The following CPLX2 variants were observed in gnomAD, a reference collection of about 807,000 sequenced individuals.
CPLX2 encodes complexin-2.
CPLX2 carries 5 observed loss-of-function variants against 16.3 expected under a neutral mutation model. The observed-to-expected ratio is 0.31, with a 90% CI of 0.16 to 0.64. The LOEUF is 0.64. Ranked by LOEUF, CPLX2 falls within the 30% of genes least tolerant of loss-of-function variation. The pLI, the probability that CPLX2 is intolerant of heterozygous loss-of-function variation, is 0.79. For missense variants in CPLX2, 144 were observed against 181.4 expected, an observed-to-expected ratio of 0.79 and a Z score of 1.18; for synonymous variants, 89 against 73.2, an observed-to-expected ratio of 1.22 and a Z score of -1.10.
chr5:175,853,840 G>A (rs1417383981), intron 2 of CPLX2, among the ~76,000 whole-genome samples: 1 of 152,112 alleles, frequency 6.6e-6, no homozygotes, highest in African/African-American at 2.4e-5. Flanking sequence ...CCCCCTCTGT[G>A]GAGTGCGATT....
At chr5:175,853,533 T>A (rs1479225267) in intron 2 of CPLX2, among the ~76,000 whole-genome samples, 1 of 152,094 alleles carries the variant, frequency 6.6e-6, no homozygotes, top group Non-Finnish European at 1.5e-5. Context: ...CAGCACAGGC[T>A]CCCACAGGCT....
chr5:175,825,640 T>A (rs970458371), intron 2 of CPLX2, among the ~76,000 whole-genome samples: 21 of 151,914 alleles, frequency 1.4e-4, no homozygotes, highest in African/African-American at 4.6e-4. Context: ...AAGACAAGGG[T>A]TGAGAGTGGG....
Position 175,882,515 on chromosome 5 carries a change from TG to T in CPLX2, c.*2473del. On this transcript the variant is annotated 3_prime_UTR_variant, in exon 4 of 4. Transcript: ENST00000393745. ...ACCCAGTCGAACCAGATACCCCAGGTGGGCCGGAGGGACCCCAGACCTTCAG... is the reference window on the plus strand; with the variant it reads ...ACCCAGTCGAACCAGATACCCCAGGTGGCCGGAGGGACCCCAGACCTTCAG... 1 of 152,938 alleles carries T rather than the reference TG, an allele frequency of 6.5e-6. No homozygotes were observed. Among genetic ancestry groups the T allele is most frequent in the East Asian group, 1.9e-4 (1 of 5,172 alleles). 9.5% of individuals were successfully genotyped at this position (152,938 alleles called of 1,614,324 possible).
intron 2 of CPLX2, among the ~76,000 whole-genome samples, chr5:175,820,692 C>T (rs1050365118): frequency 6.6e-6 from 1 of 152,210 alleles, no homozygotes; most frequent in East Asian, 1.9e-4. Flanking sequence ...GACTGTCTCA[C>T]CCGCCCTGTC....
Position 175,880,164 on chromosome 5 carries a change from C to A in CPLX2, c.*119C>A. On this transcript the variant is annotated 3_prime_UTR_variant, in exon 4 of 4. Transcript: ENST00000393745. ...AAAACCTCAGTTGGCCTCTGCCCCT[C>A]TTCCCTGGCCAGGGGCTTCTCCCCC... 1 of 1,094,678 alleles carries A rather than the reference C, an allele frequency of 9.1e-7. No homozygotes were observed. The highest frequency in any genetic ancestry group is 1.4e-6 in the Non-Finnish European group (1 of 730,570). 67.8% of individuals were successfully genotyped at this position (1,094,678 alleles called of 1,614,324 possible).
intron 1 of CPLX2, among the ~76,000 whole-genome samples, chr5:175,796,954 G>A (rs1757989262): frequency 1.3e-5 from 2 of 152,296 alleles, no homozygotes; most frequent in African/African-American, 4.8e-5. Context: ...CTTCCGGGGC[G>A]AGGCAGAGGG....
At chr5:175,846,226 C>A (rs1221540626) in intron 2 of CPLX2, among the ~76,000 whole-genome samples, 2 of 152,180 alleles carry the variant, frequency 1.3e-5, no homozygotes, top group African/African-American at 4.8e-5. Flanking sequence ...TGTGACTCCA[C>A]AGGACAGGCA....
chr5:175,799,073 C>G (rs945749640), intron 1 of CPLX2, among the ~76,000 whole-genome samples: 11 of 152,160 alleles, frequency 7.2e-5, no homozygotes, highest in Non-Finnish European at 1.5e-4. Flanking sequence ...GAAACTGTTT[C>G]AGAAATAAAC....
At chr5:175,803,077 T>C (rs571124352) in intron 1 of CPLX2, among the ~76,000 whole-genome samples, 1 of 152,174 alleles carries the variant, frequency 6.6e-6, no homozygotes, top group South Asian at 2.1e-4. Flanking sequence ...GGTGATCCGT[T>C]TGCTGGGATC....
At chr5:175,878,314 AGGAAAT>A in intron 1 of CPLX2, 1 of 188,390 alleles carries the variant, frequency 5.3e-6, no homozygotes, top group East Asian at 1.5e-4. Context: ...ATGGCAAATA[AGGAAAT>A]GACGGTGGCG....
intron 2 of CPLX2, among the ~76,000 whole-genome samples, chr5:175,848,590 G>C (rs897108823): frequency 6.6e-6 from 1 of 152,220 alleles, no homozygotes; most frequent in Non-Finnish European, 1.5e-5. Context: ...GGAAGGGTGG[G>C]TGAGGGTCCT....
At chr5:175,844,974 G>A (rs1004739260) in intron 2 of CPLX2, among the ~76,000 whole-genome samples, 1 of 152,184 alleles carries the variant, frequency 6.6e-6, no homozygotes, top group African/African-American at 2.4e-5. Context: ...ACAGAACAGA[G>A]GCTCTGTGAG....
chr5:175,815,300 G>A (rs188483347), intron 2 of CPLX2, among the ~76,000 whole-genome samples: 351 of 152,184 alleles, frequency 2.3e-3, no homozygotes, highest in Admixed American at 0.02. Flanking sequence ...GGCTGAAAAG[G>A]ATCTGCTGGG....
chr5:175,831,313 T>C (rs906595501), intron 2 of CPLX2, among the ~76,000 whole-genome samples: 4 of 152,146 alleles, frequency 2.6e-5, no homozygotes, highest in Admixed American at 1.3e-4. Flanking sequence ...GGGGAAATCG[T>C]AGCTCAGAGA....
chr5:175,877,840 A>G (rs1391555127), intron 1 of CPLX2, among the ~76,000 whole-genome samples: 1 of 152,194 alleles, frequency 6.6e-6, no homozygotes, highest in African/African-American at 2.4e-5. Context: ...CAAAAACATA[A>G]TAAAAAATAT....
chr5:175,832,592 C>A (rs2113658969), intron 2 of CPLX2, among the ~76,000 whole-genome samples: 1 of 152,254 alleles, frequency 6.6e-6, no homozygotes, highest in African/African-American at 2.4e-5. Context: ...GCTTGGGGAC[C>A]CAAGGCAGTA....
upstream of CPLX2, among the ~76,000 whole-genome samples, chr5:175,868,609 C>G (rs1198323743): frequency 6.6e-6 from 1 of 152,120 alleles, no homozygotes; most frequent in African/African-American, 2.4e-5. Context: ...GTTTGCACTC[C>G]CGCTGGATTA....
chr5:175,850,964 G>A (rs1312775267), intron 2 of CPLX2, among the ~76,000 whole-genome samples: 2 of 49,970 alleles, frequency 4.0e-5, no homozygotes, highest in East Asian at 5.8e-3. Flanking sequence ...GGTGGTAGGG[G>A]CAGAGAGACG....
intron 2 of CPLX2, among the ~76,000 whole-genome samples, chr5:175,817,404 C>T (rs1171717873): frequency 6.6e-6 from 1 of 152,208 alleles, no homozygotes; most frequent in African/African-American, 2.4e-5. Context: ...GTGTCTAATG[C>T]GTAATGTCCT....
Sources: gnomAD v4.1 joint callset for allele counts (sites outside exome capture counted in the v4.1 genomes callset) on GRCh38, gnomAD v4.1.1 for gene constraint, MANE v1.5 for transcripts, NCBI Gene and HGNC (gene_info 2026-07-23, HGNC 2026-07-21) for gene names.